The following INPP5A variants were observed in gnomAD, a reference collection of about 807,000 sequenced individuals.
INPP5A encodes the protein 43 kDa inositol polyphosphate 5-phophatase.
INPP5A carries 14 observed loss-of-function variants against 65.2 expected under a neutral mutation model. The observed-to-expected ratio is 0.21, with a 90% CI of 0.14 to 0.34. The LOEUF (loss-of-function observed/expected upper bound fraction) is 0.34. INPP5A is among the 10% of genes least tolerant of loss of function. INPP5A has a pLI of 1.00. For missense variants in INPP5A, 431 were observed against 545.6 expected, an observed-to-expected ratio of 0.79 and a Z score of 2.09; for synonymous variants, 207 against 208.3, an observed-to-expected ratio of 0.99 and a Z score of 0.05.
At chr10:132,631,678 T>C (rs992570919) in intron 2 of INPP5A, among the ~76,000 whole-genome samples, 18 of 152,296 alleles carry the variant, frequency 1.2e-4, no homozygotes, top group Admixed American at 7.8e-4. Flanking sequence ...GCCTGTTTCC[T>C]GGGAACCAGG....
intron 1 of INPP5A, among the ~76,000 whole-genome samples, chr10:132,572,612 C>A (rs1263706376): frequency 1.3e-5 from 2 of 152,080 alleles, no homozygotes; most frequent in Non-Finnish European, 2.9e-5. Context: ...TGTGTCTAGC[C>A]CTTGGGAAGT....
intron 12 of INPP5A, among the ~76,000 whole-genome samples, chr10:132,771,657 CGCGAAGAGTGGG>C (rs1846951401): frequency 6.9e-6 from 1 of 145,320 alleles, no homozygotes; most frequent in African/African-American, 2.5e-5. Context: ...GCAGCCGCCC[CGCGAAGAGTGGG>C]ACAGACACTC....
intron 8 of INPP5A, among the ~76,000 whole-genome samples, chr10:132,720,418 A>G (rs1207672646): frequency 3.0e-4 from 35 of 118,556 alleles, no homozygotes; most frequent in African/African-American, 8.4e-4. Context: ...GTTCTGTGGT[A>G]CCTGGGTTCT....
intron 1 of INPP5A, among the ~76,000 whole-genome samples, chr10:132,599,265 A>G (rs1223208044): frequency 1.3e-5 from 2 of 152,216 alleles, no homozygotes; most frequent in Non-Finnish European, 2.9e-5. Flanking sequence ...GATACAATGG[A>G]GGTACAGGTA....
At chr10:132,759,491 A>C (rs748441752) in intron 11 of INPP5A, among the ~76,000 whole-genome samples, 1 of 152,204 alleles carries the variant, frequency 6.6e-6, no homozygotes, top group Non-Finnish European at 1.5e-5. Flanking sequence ...AACCTGCACC[A>C]ACAGGCGTTA....
intron 1 of INPP5A, among the ~76,000 whole-genome samples, chr10:132,577,761 G>A (rs2071427718): frequency 6.6e-6 from 1 of 152,230 alleles, no homozygotes; most frequent in Admixed American, 6.5e-5. Context: ...GTGGGCAGCG[G>A]TGGTTCGTGG....
At chr10:132,658,254 T>A (rs1383917657) in intron 4 of INPP5A, among the ~76,000 whole-genome samples, 1 of 152,176 alleles carries the variant, frequency 6.6e-6, no homozygotes, top group Non-Finnish European at 1.5e-5. Flanking sequence ...TTGAATTGAT[T>A]TTTCATTATT....
At chr10:132,686,655 G>T (rs1320321641) in intron 4 of INPP5A, among the ~76,000 whole-genome samples, 1 of 152,208 alleles carries the variant, frequency 6.6e-6, no homozygotes, top group Admixed American at 6.5e-5. Flanking sequence ...TTCTATCCCT[G>T]CACTGGCAAT....
At chr10:132,664,806 A>T (rs901313928) in intron 4 of INPP5A, among the ~76,000 whole-genome samples, 4 of 152,256 alleles carry the variant, frequency 2.6e-5, no homozygotes, top group African/African-American at 9.6e-5. Context: ...GGTGACAAGC[A>T]CGATGTTTTC....
chr10:132,779,472 G>C (rs1249587197), intron 13 of INPP5A, among the ~76,000 whole-genome samples: 1 of 152,286 alleles, frequency 6.6e-6, no homozygotes, highest in South Asian at 2.1e-4. Context: ...TGGCAGGGCT[G>C]TGGCCTCCCC....
intron 9 of INPP5A, among the ~76,000 whole-genome samples, chr10:132,745,417 A>AG (rs1233838073): frequency 1.3e-5 from 2 of 152,274 alleles, no homozygotes; most frequent in African/African-American, 4.8e-5. Context: ...GTGTGGCAGG[A>AG]GGGGCATCTC....
At position 132,705,423 on chromosome 10, in the gene INPP5A, C is replaced by T. The variant is rs532697654; in HGVS notation, c.475-2890C>T. 4.6e-5 allele frequency among the ~76,000 whole-genome samples: 7 copies of T among 152,352 alleles called. No individual in the cohort carries two copies. The South Asian group carries it at 1.0e-3, about 23-fold the overall frequency. On this transcript the variant is annotated intron_variant, in intron 6 of 15. Coordinates refer to ENST00000368594, the MANE Select transcript of INPP5A (RefSeq NM_005539.5). This position sits in a 1 kb window ranked among gnomAD's most constrained non-coding sequence, Gnocchi z 4.9. ...TGGCCAGCCTCCTGGAGCTTTGGCA[C>T]AGCCCATGTTGTTTGGCAAGCAGGG...
chr10:132,578,172 T>G (rs2133295192), intron 1 of INPP5A, among the ~76,000 whole-genome samples: 1 of 152,316 alleles, frequency 6.6e-6, no homozygotes, highest in East Asian at 1.9e-4. Flanking sequence ...GTTGCAGAAC[T>G]TTGATTTGAC....
rs1295478899 is a variant in INPP5A at position 132,547,933 on chromosome 10, TCCATC to T, written c.75+9763_75+9767del. On this transcript the variant is annotated intron_variant, in intron 1 of 15. Transcript: ENST00000368594. The surrounding 1 kb of genome is among the most constrained non-coding windows in gnomAD (Gnocchi z 5.5). Reference sequence around the variant, plus strand: ...ATTTTTTTTTTTTTAAGATGGACACTCCATCACCCAGGCTGGAGTACAATGGCGTG... The same window carrying T: ...ATTTTTTTTTTTTTAAGATGGACACTACCCAGGCTGGAGTACAATGGCGTG... Among the ~76,000 whole-genome samples, 16 of 151,378 alleles carry T rather than the reference TCCATC, an allele frequency of 1.1e-4. No individual in the cohort carries two copies. The South Asian group carries it at 1.9e-3, about 18-fold the overall frequency.
At chr10:132,718,842 G>T (rs1845799234) in intron 8 of INPP5A, among the ~76,000 whole-genome samples, 1 of 148,890 alleles carries the variant, frequency 6.7e-6, no homozygotes, top group Non-Finnish European at 1.5e-5. Flanking sequence ...CCTGGGTTCT[G>T]TCTGGGCACC....
At chr10:132,688,370 AG>A (rs1176716909) in intron 4 of INPP5A, among the ~76,000 whole-genome samples, 1 of 152,120 alleles carries the variant, frequency 6.6e-6, no homozygotes, top group Non-Finnish European at 1.5e-5. Context: ...GTCGTCAGGG[AG>A]GGAGCAGCAG....
At chr10:132,748,500 G>A (rs543322894) in intron 9 of INPP5A, among the ~76,000 whole-genome samples, 3 of 152,310 alleles carry the variant, frequency 2.0e-5, no homozygotes, top group Admixed American at 6.5e-5. Flanking sequence ...CCCCTGTGTC[G>A]GGGCCAGGGG....
intron 12 of INPP5A, among the ~76,000 whole-genome samples, chr10:132,776,719 C>A (rs909973977): frequency 1.3e-5 from 2 of 152,196 alleles, no homozygotes; most frequent in African/African-American, 4.8e-5. Flanking sequence ...AAGCAACATG[C>A]CCATTTGGGG....
intron 9 of INPP5A, among the ~76,000 whole-genome samples, chr10:132,740,989 G>A (rs1020221722): frequency 6.6e-6 from 1 of 152,226 alleles, no homozygotes; most frequent in Non-Finnish European, 1.5e-5. Context: ...AGCACTGTGG[G>A]AGGCTGAGGC....
Sources: allele counts gnomAD v4.1 joint callset (sites outside exome capture counted in the v4.1 genomes callset), GRCh38; gene constraint gnomAD v4.1.1; non-coding constraint Gnocchi (gnomAD v3.1); transcripts MANE v1.5; gene names NCBI Gene and HGNC (gene_info 2026-07-23, HGNC 2026-07-21).